The following C8orf34 variants were observed in gnomAD, a reference collection of about 807,000 sequenced individuals.
The protein encoded by C8orf34 is uncharacterized protein C8orf34.
Under a neutral mutation model 68.3 loss-of-function variants are expected in C8orf34, and 65 were observed. That is an observed-to-expected ratio of 0.95 (90% CI 0.78 to 1.17). C8orf34 has a LOEUF of 1.17. C8orf34 is among the 50% of genes most tolerant of loss of function. The pLI, the probability that C8orf34 is intolerant of heterozygous loss-of-function variation, is 0.00. For missense variants in C8orf34, 664 were observed against 655.4 expected (o/e 1.01, Z -0.14); for synonymous variants, 244 against 241.2 (o/e 1.01, Z -0.11).
At chr8:68,368,264 T>G (rs2129619683) in intron 1 of C8orf34, among the ~76,000 whole-genome samples, 1 of 152,310 alleles carries the variant, frequency 6.6e-6, no homozygotes, top group Middle Eastern at 3.4e-3. Flanking sequence ...CCCTTATTTA[T>G]TCTTCCTTAG....
chr8:68,731,789 A>G (rs1412256412), intron 10 of C8orf34, among the ~76,000 whole-genome samples: 3 of 152,252 alleles, frequency 2.0e-5, no homozygotes, highest in Non-Finnish European at 4.4e-5. Context: ...TTAAAAGTTT[A>G]AGACTTTAAT....
intron 7 of C8orf34, among the ~76,000 whole-genome samples, chr8:68,592,593 C>CTTTTTT (rs1444802100): frequency 8.6e-6 from 1 of 116,802 alleles, no homozygotes; most frequent in Admixed American, 9.7e-5. Context: ...CAATTTATCT[C>CTTTTTT]TTCTTTTTTT....
chr8:68,331,405 A>C, intron 1 of C8orf34, 66 bp downstream of exon 1: 1 of 1,466,316 alleles, frequency 6.8e-7, no homozygotes, highest in Non-Finnish European at 9.2e-7. Flanking sequence ...ATGAAAACAG[A>C]ACACTCCCAA....
At chr8:68,441,135 AC>A (rs1268502453) in intron 2 of C8orf34, among the ~76,000 whole-genome samples, 1 of 150,826 alleles carries the variant, frequency 6.6e-6, no homozygotes, top group African/African-American at 2.4e-5. Context: ...CACATTAAGT[AC>A]CTCAGTGTTT....
intron 8 of C8orf34, among the ~76,000 whole-genome samples, chr8:68,666,928 T>C (rs956987039): frequency 4.1e-4 from 62 of 152,334 alleles, no homozygotes; most frequent in Admixed American, 2.2e-3. Flanking sequence ...ATGCATCTTT[T>C]TTATGAAATG....
chr8:68,816,303 C>G (rs1339467956), intron 13 of C8orf34, among the ~76,000 whole-genome samples: 1 of 152,094 alleles, frequency 6.6e-6, no homozygotes, highest in East Asian at 1.9e-4. Context: ...TATTCTCCCA[C>G]ATGCAGGCCA....
chr8:68,493,650 C>T (rs972470325), intron 5 of C8orf34, among the ~76,000 whole-genome samples: 1 of 152,144 alleles, frequency 6.6e-6, no homozygotes, highest in Non-Finnish European at 1.5e-5. Flanking sequence ...TTCATATTGA[C>T]ATGTAATCCC....
At chr8:68,709,624 T>A (rs554201204) in intron 9 of C8orf34, among the ~76,000 whole-genome samples, 2 of 152,296 alleles carry the variant, frequency 1.3e-5, no homozygotes, top group South Asian at 2.1e-4. Context: ...CTTTTGTATT[T>A]GCCCTAATAC....
chr8:68,452,940 C>T (rs1243128969), intron 3 of C8orf34, among the ~76,000 whole-genome samples: 1 of 151,762 alleles, frequency 6.6e-6, no homozygotes, highest in East Asian at 1.9e-4. Context: ...TTAATTTTTG[C>T]ATATAGCAGA....
intron 7 of C8orf34, among the ~76,000 whole-genome samples, chr8:68,560,126 G>A (rs977413541): frequency 4.0e-5 from 6 of 149,298 alleles, no homozygotes; most frequent in Non-Finnish European, 7.4e-5. Context: ...ATAAGCAAGG[G>A]AGTCACCTGA....
At chr8:68,383,536 C>T (rs185263713) in intron 1 of C8orf34, among the ~76,000 whole-genome samples, 8 of 152,288 alleles carry the variant, frequency 5.3e-5, no homozygotes, top group South Asian at 2.1e-4. Context: ...AAAGTATACT[C>T]GGGTCTAGAA....
intron 7 of C8orf34, among the ~76,000 whole-genome samples, chr8:68,555,416 C>T (rs116625210): frequency 2.4e-3 from 364 of 152,150 alleles, no homozygotes; most frequent in African/African-American, 7.8e-3. Flanking sequence ...ATCTTTTACC[C>T]TGGTGAGATT....
intron 12 of C8orf34, among the ~76,000 whole-genome samples, chr8:68,807,249 GA>G (rs1409228882): frequency 6.6e-6 from 1 of 152,114 alleles, no homozygotes; most frequent in African/African-American, 2.4e-5. Context: ...TACCACTTGG[GA>G]AAACAAAAGA....
rs371105762 is a variant in C8orf34 at position 68,343,588 on chromosome 8, A to G, written c.327+12249A>G. 8.7e-3 allele frequency among the ~76,000 whole-genome samples: 1,145 copies of G among 131,286 alleles called. 18 individuals carry two copies. The highest frequency in any genetic ancestry group is 0.033 in the African/African-American group (1,052 of 32,110). 86.1% of individuals were successfully genotyped at this position (131,286 alleles called of 152,430 possible). On this transcript the variant is annotated intron_variant, in intron 1 of 13. Transcript: ENST00000518698. ...TGCAGGCAGATGATGCTGTATGCCT[A>G]GCTAATTTTTTTTTTTTTTTTTTAA...
chr8:68,441,052 CCTT>C (rs1401472655), intron 2 of C8orf34, among the ~76,000 whole-genome samples: 1 of 152,172 alleles, frequency 6.6e-6, no homozygotes, highest in East Asian at 1.9e-4. Context: ...GATCCGCCCT[CCTT>C]GGCCTCCCAA....
intron 8 of C8orf34, among the ~76,000 whole-genome samples, chr8:68,682,276 A>G (rs1408576637): frequency 2.0e-5 from 3 of 152,164 alleles, no homozygotes; most frequent in Non-Finnish European, 4.4e-5. Flanking sequence ...CATTTACCTG[A>G]TGTAATTATT....
intron 11 of C8orf34, among the ~76,000 whole-genome samples, chr8:68,781,278 C>T (rs145835395): frequency 2.0e-5 from 3 of 152,230 alleles, no homozygotes; most frequent in East Asian, 3.9e-4. Flanking sequence ...AACAATGCTG[C>T]TGAAGTTTGT....
intron 1 of C8orf34, among the ~76,000 whole-genome samples, chr8:68,417,987 T>C (rs1586094325): frequency 1.3e-5 from 2 of 150,520 alleles, no homozygotes; most frequent in East Asian, 3.9e-4. Flanking sequence ...TGGTTTGTAG[T>C]TCTCCTTGAA....
At chr8:68,747,559 A>G (rs1008480105) in intron 10 of C8orf34, among the ~76,000 whole-genome samples, 4 of 150,936 alleles carry the variant, frequency 2.7e-5, no homozygotes, top group Non-Finnish European at 4.4e-5. Flanking sequence ...AAATCAATGT[A>G]CAAAAATCAC....
Sources: allele counts gnomAD v4.1 joint callset (sites outside exome capture counted in the v4.1 genomes callset), GRCh38; gene constraint gnomAD v4.1.1; transcripts MANE v1.5; gene names NCBI Gene and HGNC (gene_info 2026-07-23, HGNC 2026-07-21).